MCTP2: variants seen among roughly 807,000 people sequenced by gnomAD.
MCTP2 encodes the protein multiple C2 and transmembrane domain containing 2.
MCTP2 carries 132 observed loss-of-function variants against 111.6 expected under a neutral mutation model. The ratio of observed to expected loss-of-function variants is 1.18; its 90% CI spans 1.03 to 1.37. The LOEUF is 1.37. Among genes scored for constraint, MCTP2 ranks in the 40% most tolerant of loss-of-function variants. MCTP2 has a pLI of 0.00. For synonymous variants in MCTP2, 395 were observed against 387.7 expected (o/e 1.02, Z -0.22); for missense variants, 1,183 against 1,067.9 (o/e 1.11, Z -1.50).
chr15:94,314,232 G>C (rs761091893), intron 2 of MCTP2, 50 bp from the exon 3 acceptor site: 4 of 1,251,030 alleles, frequency 3.2e-6, no homozygotes, highest in Non-Finnish European at 2.3e-6. Context: ...TTCCTGAGTT[G>C]GTATTAATTT....
intron 8 of MCTP2, among the ~76,000 whole-genome samples, chr15:94,347,993 T>C (rs1038182925): frequency 2.0e-5 from 3 of 152,186 alleles, no homozygotes; most frequent in Non-Finnish European, 4.4e-5. Flanking sequence ...TATTTAGTTA[T>C]GGATTATCTT....
intron 12 of MCTP2, among the ~76,000 whole-genome samples, chr15:94,379,999 C>T (rs112924078): frequency 1.3e-5 from 2 of 151,338 alleles, no homozygotes; most frequent in African/African-American, 4.9e-5. Context: ...TCCATTTCTG[C>T]TCATCAAACA....
intron 1 of MCTP2, among the ~76,000 whole-genome samples, chr15:94,276,040 T>A (rs574996240): frequency 5.9e-5 from 9 of 152,120 alleles, no homozygotes; most frequent in Non-Finnish European, 8.8e-5. Context: ...GAGATGGGAT[T>A]TCACCGTGTT....
intron 17 of MCTP2, among the ~76,000 whole-genome samples, chr15:94,433,191 C>T (rs945947272): frequency 2.0e-5 from 3 of 152,070 alleles, no homozygotes; most frequent in African/African-American, 7.2e-5. Context: ...TTAGGGTTTT[C>T]CTCAGGAAAA....
intron 1 of MCTP2, among the ~76,000 whole-genome samples, chr15:94,254,231 A>T (rs2072620696): frequency 1.3e-5 from 2 of 152,172 alleles, no homozygotes; most frequent in African/African-American, 4.8e-5. Flanking sequence ...AATAATTATT[A>T]TACAGTGTCT....
chr15:94,320,289 C>A (rs1596348119), intron 4 of MCTP2, among the ~76,000 whole-genome samples: 1 of 152,028 alleles, frequency 6.6e-6, no homozygotes, highest in East Asian at 1.9e-4. Flanking sequence ...ACTACAGGCA[C>A]CCGCCACCAC....
At chr15:94,359,481 G>C (rs2078803629) in intron 10 of MCTP2, among the ~76,000 whole-genome samples, 1 of 152,114 alleles carries the variant, frequency 6.6e-6, no homozygotes, top group African/African-American at 2.4e-5. Flanking sequence ...AACCACTACG[G>C]GGTGTCTTTT....
chr15:94,387,560 T>G (rs1244869759), intron 14 of MCTP2, among the ~76,000 whole-genome samples: 2 of 152,238 alleles, frequency 1.3e-5, no homozygotes, highest in African/African-American at 2.4e-5. Flanking sequence ...ATAAGCTGCC[T>G]TATGATCTGT....
At chr15:94,324,297 T>C (rs756785884) in intron 4 of MCTP2, among the ~76,000 whole-genome samples, 4 of 152,240 alleles carry the variant, frequency 2.6e-5, no homozygotes, top group Non-Finnish European at 5.9e-5. Context: ...AGAGCGCTAA[T>C]ACGTGGAAAA....
At chr15:94,443,667 T>C (rs1050760744) in intron 19 of MCTP2, among the ~76,000 whole-genome samples, 2 of 152,112 alleles carry the variant, frequency 1.3e-5, no homozygotes, top group African/African-American at 4.8e-5. Flanking sequence ...AGAAATGTAT[T>C]CAAAGACACT....
chr15:94,239,246 T>A (rs2070770771), intron 1 of MCTP2, among the ~76,000 whole-genome samples: 1 of 152,198 alleles, frequency 6.6e-6, no homozygotes. Context: ...ATGATAATCT[T>A]GCTTAACGTA....
At chr15:94,376,151 C>T (rs1027276682) in intron 12 of MCTP2, among the ~76,000 whole-genome samples, 1 of 152,178 alleles carries the variant, frequency 6.6e-6, no homozygotes, top group Non-Finnish European at 1.5e-5. Context: ...CAGGGGGTTG[C>T]ATTTCCAGTT....
chr15:94,291,205 A>G (rs1483052840), intron 1 of MCTP2, among the ~76,000 whole-genome samples: 8 of 152,280 alleles, frequency 5.3e-5, no homozygotes, highest in Admixed American at 2.6e-4. Flanking sequence ...TAAACTGGAA[A>G]TTAATAAAAA....
At chr15:94,294,081 G>C (rs1478103966) in intron 1 of MCTP2, among the ~76,000 whole-genome samples, 2 of 152,170 alleles carry the variant, frequency 1.3e-5, no homozygotes, top group African/African-American at 2.4e-5. Context: ...GAATCTCAAA[G>C]GTAACGTGCT....
intron 14 of MCTP2, among the ~76,000 whole-genome samples, chr15:94,387,665 G>A (rs1472467464): frequency 6.6e-6 from 1 of 152,146 alleles, no homozygotes; most frequent in Non-Finnish European, 1.5e-5. Flanking sequence ...CCAGAGGGAG[G>A]CTCCCTCCTC....
intron 19 of MCTP2, among the ~76,000 whole-genome samples, chr15:94,449,200 G>C (rs913765255): frequency 4.6e-5 from 7 of 152,052 alleles, no homozygotes; most frequent in African/African-American, 1.7e-4. Context: ...TTAAAACAAG[G>C]CCATTTCAAG....
chr15:94,458,192 C>G lies in MCTP2; in HGVS notation c.2306C>G (p.Ser769Ter). 6.2e-7 allele frequency: 1 copy of G among 1,612,580 alleles called. No individual in the cohort carries two copies. Among genetic ancestry groups the G allele is most frequent in the Non-Finnish European group, 8.5e-7 (1 of 1,178,638 alleles). ...ERIYMVQDIV[S>*]TVQNVLEEIA... ...ATCTATATGGTACAGGATATTGTTT[C>G]AACTGTTCAAAACGTCTTGGAGGAA... Residue 769 changes from serine to a stop codon, truncating the protein, a stop_gained, in exon 20 of 23, where the codon TCA becomes TGA. Coordinates refer to ENST00000357742, the MANE Select transcript of MCTP2 (RefSeq NM_001385001.1). LOFTEE classifies it high-confidence loss of function.
chr15:94,340,791 A>T, intron 6 of MCTP2, 22 bp from the exon 7 acceptor site: 5 of 1,477,308 alleles, frequency 3.4e-6, no homozygotes, highest in Non-Finnish European at 4.7e-6. Context: ...TGGTAGCATT[A>T]TTTGTTGCTT....
chr15:94,270,987 A>G lies in MCTP2; in HGVS notation c.-65-27214A>G, dbSNP rs79139192. On this transcript the variant is annotated intron_variant, in intron 1 of 22. Transcript: ENST00000357742. ...TAGGTGTCAATATGTGTATCAGATG[A>G]CTGGATTAGTATTTTAAAACAGCAA... 3.6e-3 allele frequency among the ~76,000 whole-genome samples: 548 copies of G among 152,300 alleles called. 1 individual carries two copies. Among genetic ancestry groups the G allele is most frequent in the Non-Finnish European group, 6.9e-3 (470 of 68,008 alleles).
Sources: gnomAD v4.1 joint callset for allele counts (sites outside exome capture counted in the v4.1 genomes callset) on GRCh38, gnomAD v4.1.1 for gene constraint, MANE v1.5 for transcripts, NCBI Gene and HGNC (gene_info 2026-07-23, HGNC 2026-07-21) for gene names.